Variants in UBTD2 observed in about 807,000 individuals in gnomAD.
UBTD2 encodes the protein ubiquitin domain-containing protein 2.
Under a neutral mutation model 19.8 loss-of-function variants are expected in UBTD2, and 9 were observed. The observed-to-expected ratio is 0.46, with a 90% CI of 0.27 to 0.79. The LOEUF is 0.79. UBTD2 is among the 30% of genes least tolerant of loss of function. UBTD2 has a pLI of 0.14. For missense variants in UBTD2, 250 were observed against 300.4 expected, an observed-to-expected ratio of 0.83 and a Z score of 1.24; for synonymous variants, 98 against 103.9, an observed-to-expected ratio of 0.94 and a Z score of 0.35.
At chr5:172,271,889 CA>C (rs146531889) in intron 1 of UBTD2, among the ~76,000 whole-genome samples, 1 of 151,326 alleles carries the variant, frequency 6.6e-6, no homozygotes, top group Non-Finnish European at 1.5e-5. Flanking sequence ...ACAATAAATG[CA>C]AAAAAAACTT....
chr5:172,240,763 A>G (rs1772111137), intron 1 of UBTD2, among the ~76,000 whole-genome samples: 1 of 152,172 alleles, frequency 6.6e-6, no homozygotes, highest in South Asian at 2.1e-4. Flanking sequence ...GAGAAAGATA[A>G]TATTATATGA....
chr5:172,283,465 C>A lies in UBTD2; in HGVS notation c.70+131G>T, dbSNP rs551227474. On this transcript the variant is annotated intron_variant, in intron 1 of 2. Coordinates refer to ENST00000393792, the MANE Select transcript of UBTD2 (RefSeq NM_152277.3). The surrounding 1 kb of genome is among the most constrained non-coding windows in gnomAD (Gnocchi z 4.3). ...TGGCAGGACAGCCGGAAGCGGAGCG[C>A]GGGGAATGACGTGGAAGAGGGGATG... 124 of 670,122 alleles carry A rather than the reference C, an allele frequency of 1.9e-4. No homozygotes were observed. Among genetic ancestry groups the A allele is most frequent in the African/African-American group, 1.0e-3 (53 of 52,750 alleles). 41.5% of individuals were successfully genotyped at this position (670,122 alleles called of 1,614,324 possible).
At chr5:172,248,644 C>A (rs1260477185) in intron 1 of UBTD2, among the ~76,000 whole-genome samples, 1 of 151,138 alleles carries the variant, frequency 6.6e-6, no homozygotes, top group African/African-American at 2.4e-5. Flanking sequence ...TGCCTGTAAT[C>A]CCAGACACTC....
At chr5:172,274,209 C>T (rs1441751662) in intron 1 of UBTD2, among the ~76,000 whole-genome samples, 7 of 147,732 alleles carry the variant, frequency 4.7e-5, no homozygotes, top group Non-Finnish European at 7.4e-5. Flanking sequence ...GGCACAATCT[C>T]GGCTCACTGC....
intron 1 of UBTD2, among the ~76,000 whole-genome samples, chr5:172,265,596 T>C (rs954303170): frequency 6.6e-6 from 1 of 152,216 alleles, no homozygotes; most frequent in Non-Finnish European, 1.5e-5. Context: ...CCCAAAGTGC[T>C]GGGATTACAG....
At chr5:172,269,533 G>A (rs1755443710) in intron 1 of UBTD2, among the ~76,000 whole-genome samples, 4 of 150,902 alleles carry the variant, frequency 2.7e-5, no homozygotes, top group Non-Finnish European at 4.4e-5. Flanking sequence ...AGAATTAGAT[G>A]TAACCTTGGT....
At chr5:172,228,500 T>C (rs188474869) in intron 2 of UBTD2, among the ~76,000 whole-genome samples, 1,605 of 152,040 alleles carry the variant, frequency 0.011, 11 homozygotes, top group Admixed American at 0.016. Context: ...GCGGGTGGAT[T>C]ACTTGAGGTC....
At chr5:172,276,941 C>T (rs1019109203) in intron 1 of UBTD2, among the ~76,000 whole-genome samples, 2 of 151,530 alleles carry the variant, frequency 1.3e-5, no homozygotes, top group African/African-American at 4.9e-5. Context: ...TGGAGGTGCA[C>T]ACGTGTAATC....
chr5:172,267,859 G>A (rs1755407046), intron 1 of UBTD2, among the ~76,000 whole-genome samples: 2 of 152,188 alleles, frequency 1.3e-5, no homozygotes, highest in Admixed American at 1.3e-4. Flanking sequence ...ACGAAAGCTG[G>A]GAAGTCAACT....
Position 172,283,498 on chromosome 5 carries a change from G to C in UBTD2, c.70+98C>G, listed in dbSNP as rs1348343184. On this transcript the variant is annotated intron_variant, in intron 1 of 2. Transcript: ENST00000393792. This position sits in a 1 kb window ranked among gnomAD's most constrained non-coding sequence, Gnocchi z 4.3. ...GACGTGGAAGAGGGGATGACAAAGGGGCGCGGGGGCCCGGCGCGGCCCGCG... is the reference window on the plus strand; with the variant it reads ...GACGTGGAAGAGGGGATGACAAAGGCGCGCGGGGGCCCGGCGCGGCCCGCG... The C allele has an allele frequency of 3.1e-6, 3 of 969,618 alleles. No individual in the cohort carries two copies. The highest frequency in any genetic ancestry group is 4.0e-6 in the Non-Finnish European group (3 of 749,458). The allele number at this position is 969,618 out of a possible 1,614,324, so 60.1% of individuals were successfully genotyped here. A position where few individuals can be genotyped will look rare whatever the true frequency, so the allele number is the denominator to read the frequency against.
intron 1 of UBTD2, among the ~76,000 whole-genome samples, chr5:172,278,844 G>GGCTC (rs1427727146): frequency 2.6e-5 from 4 of 152,042 alleles, no homozygotes; most frequent in African/African-American, 9.7e-5. Flanking sequence ...GCGTGATCCT[G>GGCTC]GCTCACTGCA....
At chr5:172,228,820 C>G (rs1378840935) in intron 2 of UBTD2, among the ~76,000 whole-genome samples, 1 of 151,782 alleles carries the variant, frequency 6.6e-6, no homozygotes, top group African/African-American at 2.4e-5. Flanking sequence ...TACGTTGGTT[C>G]CTTACACATA....
At chr5:172,245,432 A>G (rs1754858790) in intron 1 of UBTD2, among the ~76,000 whole-genome samples, 1 of 152,178 alleles carries the variant, frequency 6.6e-6, no homozygotes, top group Non-Finnish European at 1.5e-5. Flanking sequence ...CAGTCCCAAA[A>G]CAATACAGCC....
chr5:172,216,021 G>C (rs1405219353), intron 2 of UBTD2, among the ~76,000 whole-genome samples: 3 of 152,006 alleles, frequency 2.0e-5, no homozygotes, highest in Non-Finnish European at 4.4e-5. Flanking sequence ...AAAATTAGCC[G>C]AGCGTGGTGG....
At position 172,218,781 on chromosome 5, in the gene UBTD2, AAAAAAAAAT is replaced by A. The variant is rs1309099711; in HGVS notation, c.308-6563_308-6555del. Among the ~76,000 whole-genome samples the A allele has an allele frequency of 5.1e-3, 345 of 68,110 alleles. 2 individuals are homozygous for A. The highest frequency in any genetic ancestry group is 0.015 in the African/African-American group (245 of 16,564). The allele number at this position is 68,110 out of a possible 152,430, so 44.7% of individuals were successfully genotyped here. A position where few individuals can be genotyped will look rare whatever the true frequency, so the allele number is the denominator to read the frequency against. Reference sequence around the variant, plus strand: ...AAGAGTCAGACCCTGTCACCAAAAAAAAAAAAAATAAAAAAATAAAAAAAAAAATAAAAA... The same window carrying A: ...AAGAGTCAGACCCTGTCACCAAAAAAAAAAAAATAAAAAAAAAAATAAAAA... On this transcript the variant is annotated intron_variant, in intron 2 of 2. Coordinates refer to ENST00000393792, the MANE Select transcript of UBTD2 (RefSeq NM_152277.3).
At chr5:172,229,456 G>C (rs1248257349) in intron 2 of UBTD2, among the ~76,000 whole-genome samples, 1 of 126,786 alleles carries the variant, frequency 7.9e-6, no homozygotes, top group Admixed American at 9.6e-5. Context: ...AGCCGAGATT[G>C]TGCCACTGCA....
At chr5:172,214,097 T>TAATG (rs1771500033) in intron 2 of UBTD2, among the ~76,000 whole-genome samples, 1 of 152,210 alleles carries the variant, frequency 6.6e-6, no homozygotes, top group Non-Finnish European at 1.5e-5. Context: ...AAGCATAACT[T>TAATG]AATGAATGTT....
intron 1 of UBTD2, among the ~76,000 whole-genome samples, chr5:172,243,484 C>G (rs1021115824): frequency 6.6e-6 from 1 of 151,370 alleles, no homozygotes; most frequent in Non-Finnish European, 1.5e-5. Context: ...GGAAGATGGA[C>G]GCCCTCACCA....
intron 1 of UBTD2, among the ~76,000 whole-genome samples, chr5:172,243,256 T>C (rs987934008): frequency 5.3e-5 from 8 of 152,060 alleles, no homozygotes; most frequent in South Asian, 2.1e-4. Flanking sequence ...CTGATATCAC[T>C]TACCAATAGC....
Sources: gnomAD v4.1 joint callset for allele counts (sites outside exome capture counted in the v4.1 genomes callset) on GRCh38, gnomAD v4.1.1 for gene constraint, Gnocchi (gnomAD v3.1) non-coding constraint, MANE v1.5 for transcripts, NCBI Gene and HGNC (gene_info 2026-07-23, HGNC 2026-07-21) for gene names.